KAZN: variants seen among roughly 807,000 people sequenced by gnomAD.
The protein encoded by KAZN is kazrin, periplakin interacting protein.
In KAZN, 40 loss-of-function variants were observed where a neutral mutation model predicts 87.4. The observed-to-expected ratio is 0.46, with a 90% CI of 0.36 to 0.60. The LOEUF is 0.60. KAZN is among the 20% of genes least tolerant of loss of function. The pLI, the probability that KAZN is intolerant of heterozygous loss-of-function variation, is 0.00. For synonymous variants in KAZN, 466 were observed against 458.3 expected, an observed-to-expected ratio of 1.02 and a Z score of -0.22; for missense variants, 898 against 1,073.9, an observed-to-expected ratio of 0.84 and a Z score of 2.29.
At chr1:14,901,499 A>G (rs1467616056) in intron 1 of KAZN, among the ~76,000 whole-genome samples, 1 of 152,086 alleles carries the variant, frequency 6.6e-6, no homozygotes, top group Non-Finnish European at 1.5e-5. Flanking sequence ...CTGAGTGCTG[A>G]TAAGTCTGGC....
chr1:15,034,462 ACT>A (rs1672048864), intron 2 of KAZN, among the ~76,000 whole-genome samples: 1 of 151,808 alleles, frequency 6.6e-6, no homozygotes. Context: ...GTCATTGAAC[ACT>A]CAGCCAGCTT....
intron 1 of KAZN, among the ~76,000 whole-genome samples, chr1:14,812,026 G>C (rs1350175965): frequency 1.3e-5 from 2 of 152,184 alleles, no homozygotes; most frequent in Non-Finnish European, 2.9e-5. Context: ...TTTCTGGAAA[G>C]AGGATGTAAG....
intron 2 of KAZN, among the ~76,000 whole-genome samples, chr1:14,199,179 A>C (rs1185939712): frequency 2.0e-5 from 3 of 152,158 alleles, no homozygotes. Flanking sequence ...TTTAGAATAA[A>C]TCCACACTCT....
chr1:14,885,611 G>A (rs951706889), intron 1 of KAZN, among the ~76,000 whole-genome samples: 2 of 152,012 alleles, frequency 1.3e-5, no homozygotes, highest in Non-Finnish European at 2.9e-5. Flanking sequence ...GCCTCCCAAA[G>A]TGCTATTATT....
intron 8 of KAZN, among the ~76,000 whole-genome samples, chr1:15,084,331 G>A (rs1640148452): frequency 6.6e-6 from 1 of 152,206 alleles, no homozygotes; most frequent in Non-Finnish European, 1.5e-5. Context: ...TGTGCTGGGT[G>A]GACAGTGCAC....
At chr1:14,894,145 C>T (rs944578634) in intron 1 of KAZN, among the ~76,000 whole-genome samples, 1 of 152,080 alleles carries the variant, frequency 6.6e-6, no homozygotes, top group Non-Finnish European at 1.5e-5. Context: ...TGCCATCACG[C>T]CCATCTCCCC....
intron 1 of KAZN, among the ~76,000 whole-genome samples, chr1:14,025,977 C>T (rs969752114): frequency 3.3e-5 from 5 of 152,206 alleles, no homozygotes; most frequent in East Asian, 1.9e-4. Flanking sequence ...CTCACTCTCC[C>T]GCACTTCCTT....
At chr1:14,931,820 C>CTA (rs978285338) in intron 1 of KAZN, among the ~76,000 whole-genome samples, 3 of 152,186 alleles carry the variant, frequency 2.0e-5, no homozygotes, top group African/African-American at 7.2e-5. Context: ...TCAGGGCACG[C>CTA]TAGCACCTTT....
chr1:14,521,485 G>A (rs1671585829), intron 2 of KAZN, among the ~76,000 whole-genome samples: 1 of 152,232 alleles, frequency 6.6e-6, no homozygotes, highest in African/African-American at 2.4e-5. Flanking sequence ...GCCTTTCTGT[G>A]AAATGTGAAC....
At chr1:14,799,279 T>C (rs999680078) in intron 1 of KAZN, among the ~76,000 whole-genome samples, 7 of 152,238 alleles carry the variant, frequency 4.6e-5, no homozygotes, top group Admixed American at 3.9e-4. Context: ...CTTCTTAAGT[T>C]GAGGTAAACT....
At chr1:14,173,762 C>T (rs1052402932) in intron 1 of KAZN, among the ~76,000 whole-genome samples, 2 of 151,812 alleles carry the variant, frequency 1.3e-5, no homozygotes, top group Non-Finnish European at 2.9e-5. Flanking sequence ...TTCACATGTC[C>T]TTTGCTGAAC....
chr1:14,874,892 T>C (rs1017142014), intron 1 of KAZN, among the ~76,000 whole-genome samples: 2 of 152,198 alleles, frequency 1.3e-5, no homozygotes, highest in Non-Finnish European at 2.9e-5. Context: ...TACTTGGTTT[T>C]GTATTTCCAT....
chr1:14,912,500 C>T lies in KAZN; in HGVS notation c.227-48184C>T, dbSNP rs538265452. Among the ~76,000 whole-genome samples the T allele has an allele frequency of 2.0e-5, 3 of 152,248 alleles. No individual in the cohort carries two copies. The South Asian group carries it at 6.2e-4, about 32-fold the overall frequency. On this transcript the variant is annotated intron_variant, in intron 1 of 14. Coordinates refer to ENST00000376030, the MANE Select transcript of KAZN (RefSeq NM_201628.3). ...TGATAATACCTCCCTCCCACCTCAGCCTCCCGAGTAGCTGAAATTACAGGT... is the reference window on the plus strand; with the variant it reads ...TGATAATACCTCCCTCCCACCTCAGTCTCCCGAGTAGCTGAAATTACAGGT...
chr1:13,980,700 A>T (rs1281211799), intron 1 of KAZN, among the ~76,000 whole-genome samples: 1 of 152,156 alleles, frequency 6.6e-6, no homozygotes, highest in East Asian at 1.9e-4. Flanking sequence ...TTCTCTCTGT[A>T]ATCGATACAC....
chr1:13,939,310 A>T (rs1640850607), intron 1 of KAZN, among the ~76,000 whole-genome samples: 1 of 152,164 alleles, frequency 6.6e-6, no homozygotes, highest in Non-Finnish European at 1.5e-5. Flanking sequence ...GCTGCTTAGA[A>T]TTTTTTTCCA....
intron 2 of KAZN, among the ~76,000 whole-genome samples, chr1:14,530,896 C>G (rs988078687): frequency 2.6e-5 from 4 of 152,120 alleles, no homozygotes; most frequent in African/African-American, 9.7e-5. Context: ...ACTTGGGCAA[C>G]ATGGCGAAAC....
chr1:14,668,786 C>A (rs2148731475), intron 1 of KAZN, among the ~76,000 whole-genome samples: 1 of 152,300 alleles, frequency 6.6e-6, no homozygotes, highest in African/African-American at 2.4e-5. Context: ...TCTGAGAGCT[C>A]CTATTTTTGA....
At chr1:13,962,940 G>A (rs754599985) in intron 1 of KAZN, among the ~76,000 whole-genome samples, 3 of 152,132 alleles carry the variant, frequency 2.0e-5, no homozygotes, top group African/African-American at 4.8e-5. Context: ...CAGCTTGCTC[G>A]AAGCCATGGT....
intron 1 of KAZN, among the ~76,000 whole-genome samples, chr1:14,051,435 C>A (rs764608560): frequency 6.6e-6 from 1 of 152,066 alleles, no homozygotes; most frequent in Non-Finnish European, 1.5e-5. Context: ...ATCTACCACG[C>A]CTGCTCTCTT....
Sources: allele counts gnomAD v4.1 joint callset (sites outside exome capture counted in the v4.1 genomes callset), GRCh38; gene constraint gnomAD v4.1.1; transcripts MANE v1.5; gene names NCBI Gene and HGNC (gene_info 2026-07-23, HGNC 2026-07-21).